The following INPP5J variants were observed in gnomAD, a reference collection of about 807,000 sequenced individuals.
INPP5J encodes phosphatidylinositol 4,5-bisphosphate 5-phosphatase A.
Under a neutral mutation model 86.6 loss-of-function variants are expected in INPP5J, and 75 were observed. The ratio of observed to expected loss-of-function variants is 0.87; its 90% CI spans 0.72 to 1.05. INPP5J has a LOEUF of 1.05. Ranked by LOEUF, INPP5J falls within the 50% of genes least tolerant of loss-of-function variation. The pLI is 0.00. For missense variants in INPP5J, 1,229 were observed against 1,341.2 expected, an observed-to-expected ratio of 0.92 and a Z score of 1.31; for synonymous variants, 540 against 550.0, an observed-to-expected ratio of 0.98 and a Z score of 0.25.
intron 11 of INPP5J, 37 bp downstream of exon 11, chr22:31,133,520 T>C: frequency 5.0e-6 from 8 of 1,605,194 alleles, no homozygotes; most frequent in Non-Finnish European, 6.8e-6. Context: ...GGCAAGTCCT[T>C]GTTGCCTTTG....
chr22:31,126,116 G>C (rs1186935592), intron 2 of INPP5J, 106 bp downstream of exon 2: 1 of 1,170,122 alleles, frequency 8.5e-7, no homozygotes, highest in Non-Finnish European at 1.2e-6. Flanking sequence ...CTCTGAGGAA[G>C]AGTCTTTGGG....
In INPP5J at chr22:31,129,702, C is replaced by T. The variant is rs535084611; in HGVS notation, c.2193+1048C>T. 6.6e-5 allele frequency among the ~76,000 whole-genome samples: 10 copies of T among 151,348 alleles called. No homozygotes were observed. In the South Asian group the frequency reaches 1.5e-3, roughly 22 times the overall value. ...GGGATTACAGCTGCCCGCCACCACGCCTGGCTAATTTTTGTATTTAGTAGA... is the reference window on the plus strand; with the variant it reads ...GGGATTACAGCTGCCCGCCACCACGTCTGGCTAATTTTTGTATTTAGTAGA... On this transcript the variant is annotated intron_variant, in intron 9 of 12. Transcript: ENST00000331075.
At position 31,128,646 on chromosome 22, in the gene INPP5J, C is replaced by A; in HGVS notation, c.2185C>A (p.Leu729Ile). Reference sequence around the variant, plus strand: ...CCACAAGCCTGTGGCTGCCCAGTTCCTCCTGCAGGTGAGTTCTGGCCTCAT... The same window carrying A: ...CCACAAGCCTGTGGCTGCCCAGTTCATCCTGCAGGTGAGTTCTGGCCTCAT... Reference protein sequence around the residue: ...SDHKPVAAQFLLQFAFRDDMP... With the variant: ...SDHKPVAAQFILQFAFRDDMP... The change falls in exon 9 of 13, where the codon CTC (leucine) becomes ATC (isoleucine). Residue 729 changes from leucine to isoleucine, a missense_variant. Leu to Ile is a conservative substitution (Grantham distance 5, BLOSUM62 2). Coordinates refer to ENST00000331075, the MANE Select transcript of INPP5J (RefSeq NM_001284285.2). 6.3e-7 allele frequency: 1 copy of A among 1,583,102 alleles called. No homozygotes were observed. Among genetic ancestry groups the A allele is most frequent in the Non-Finnish European group, 8.6e-7 (1 of 1,164,686 alleles).
intron 4 of INPP5J, 35 bp downstream of exon 4, chr22:31,126,756 C>A: frequency 6.4e-7 from 1 of 1,562,506 alleles, no homozygotes; most frequent in Non-Finnish European, 8.8e-7. Flanking sequence ...CAGCCAGAGA[C>A]CCTGCTGAAT....
intron 7 of INPP5J, 55 bp downstream of exon 7, chr22:31,128,117 C>G: frequency 6.8e-7 from 1 of 1,476,702 alleles, no homozygotes; most frequent in Non-Finnish European, 9.4e-7. Flanking sequence ...ACGCCTGTAC[C>G]TTAGACTATG....
Position 31,133,968 on chromosome 22 carries a change from G to C in INPP5J, c.2570G>C (p.Ser857Thr). ...ASSSTDSSGT[S>T]SEGEDDSTLE... is the part of the protein sequence containing the mutation. ...AGCAGCACAGACAGCTCAGGCACCA[G>C]CTCAGAGGGAGAGGATGACAGCACA... The change falls in exon 13 of 13, where the codon AGC (serine) becomes ACC (threonine). Residue 857 changes from serine (S) to threonine (T), a missense_variant. Ser to Thr is a moderately conservative substitution (Grantham distance 58, BLOSUM62 1). Coordinates refer to ENST00000331075, the MANE Select transcript of INPP5J (RefSeq NM_001284285.2). 6.2e-7 allele frequency: 1 copy of C among 1,613,380 alleles called. No individual in the cohort carries two copies. Among genetic ancestry groups the C allele is most frequent in the East Asian group, 2.2e-5 (1 of 44,882 alleles).
At chr22:31,130,710 G>A (rs1294419695) in intron 9 of INPP5J, among the ~76,000 whole-genome samples, 4 of 152,212 alleles carry the variant, frequency 2.6e-5, no homozygotes, top group African/African-American at 9.6e-5. Context: ...TTATGAGAGT[G>A]TGTAGTGATG....
In INPP5J at chr22:31,126,996, G is replaced by C. The variant is rs750582154; in HGVS notation, c.1570G>C (p.Val524Leu). ...KYYHLPFLRD[V>L]QTDCTRTGLG... is the part of the protein sequence containing the mutation. ...CTACCACCTGCCCTTCCTGCGAGAC[G>C]TGCAGACCGACTGCACGCGCACTGG... The change falls in exon 5 of 13, where the codon GTG becomes CTG. Residue 524 changes from valine to leucine, a missense_variant. Val to Leu is a conservative substitution (Grantham distance 32). Transcript: ENST00000331075. 9.3e-6 allele frequency: 15 copies of C among 1,608,738 alleles called. No individual in the cohort carries two copies. Among genetic ancestry groups the C allele is most frequent in the Non-Finnish European group, 1.2e-5 (14 of 1,177,688 alleles).
At position 31,134,308 on chromosome 22, in the gene INPP5J, C is replaced by T; in HGVS notation, c.2910C>T (p.Asp970=). ...CCGCCTTGCGCCTAGAGACTGTAGACCCTGGTGGTGGTGGCTCCTGGGGAC... is the reference window on the plus strand; with the variant it reads ...CCGCCTTGCGCCTAGAGACTGTAGATCCTGGTGGTGGTGGCTCCTGGGGAC... ...LLPALRLETV[D]PGGGGSWGPD... Residue 970 remains aspartate (D), a synonymous_variant, in exon 13 of 13, where the codon GAC becomes GAT. Coordinates refer to ENST00000331075, the MANE Select transcript of INPP5J (RefSeq NM_001284285.2). The T allele has an allele frequency of 6.4e-7, 1 of 1,554,546 alleles. No individual in the cohort carries two copies. Among genetic ancestry groups the T allele is most frequent in the Non-Finnish European group, 8.7e-7 (1 of 1,150,054 alleles).
At chr22:31,127,234 T>C in intron 5 of INPP5J, 123 bp from the exon 6 acceptor site, 1 of 926,934 alleles carries the variant, frequency 1.1e-6, no homozygotes, top group East Asian at 2.7e-5. Flanking sequence ...TGTCCCAGCG[T>C]TGTTCCTCAT....
chr22:31,134,647 G>A lies in INPP5J; in HGVS notation c.*228G>A. The A allele has an allele frequency of 4.7e-6, 2 of 423,776 alleles. No homozygotes were observed. The highest frequency in any genetic ancestry group is 8.3e-6 in the Non-Finnish European group (2 of 242,422). The allele number at this position is 423,776 out of a possible 1,614,324, so 26.3% of individuals were successfully genotyped here. ...CTGGGATGATGGGAGAGCTCTGGCAGATGTCCCAATCCTGGAGGTCATCCA... is the reference window on the plus strand; with the variant it reads ...CTGGGATGATGGGAGAGCTCTGGCAAATGTCCCAATCCTGGAGGTCATCCA... On this transcript the variant is annotated 3_prime_UTR_variant, in exon 13 of 13. Transcript: ENST00000331075.
chr22:31,122,859 G>C, upstream of INPP5J: 2 of 519,662 alleles, frequency 3.8e-6, no homozygotes, highest in Non-Finnish European at 6.6e-6. Context: ...TTCCCAGGGG[G>C]TAGCCACCTT....
chr22:31,127,346 T>C lies in INPP5J; in HGVS notation c.1612-11T>C, dbSNP rs1025612399. 2 of 1,600,688 alleles carry C rather than the reference T, an allele frequency of 1.2e-6. No homozygotes were observed. Among genetic ancestry groups the C allele is most frequent in the Non-Finnish European group, 1.7e-6 (2 of 1,173,162 alleles). On this transcript the variant is annotated splice_polypyrimidine_tract_variant and intron_variant, in intron 5 of 12. Coordinates refer to ENST00000331075, the MANE Select transcript of INPP5J (RefSeq NM_001284285.2). ...GCCCCGCCCATGAGCCATCCGACCC[T>C]GCCTCCCTAGGGTAACAAGGGTGGC... is the stretch of plus-strand genomic sequence containing the variant.
intron 1 of INPP5J, chr22:31,124,313 C>T (rs182851952): frequency 3.2e-5 from 32 of 987,442 alleles, no homozygotes; most frequent in Middle Eastern, 1.0e-3. Context: ...GTTTAGGGGG[C>T]GGTGGGGAAC....
At chr22:31,130,870 G>T (rs764121426) in intron 9 of INPP5J, among the ~76,000 whole-genome samples, 1 of 152,162 alleles carries the variant, frequency 6.6e-6, no homozygotes, top group African/African-American at 2.4e-5. Flanking sequence ...GACCAATTTG[G>T]CCCACTCCCT....
At chr22:31,126,897 C>T in intron 4 of INPP5J, 24 bp from the exon 5 acceptor site, 1 of 1,569,428 alleles carries the variant, frequency 6.4e-7, no homozygotes, top group Non-Finnish European at 8.7e-7. Flanking sequence ...TTCTGTCCCC[C>T]AGCCACGTGG....
chr22:31,127,592 A>C, intron 6 of INPP5J, 60 bp downstream of exon 6: 1 of 1,522,070 alleles, frequency 6.6e-7, no homozygotes, highest in South Asian at 1.3e-5. Flanking sequence ...GGGTTTTTGT[A>C]CCACCTTGGG....
At chr22:31,122,961 G>A (rs1602722245), upstream of INPP5J, 1 of 1,185,622 alleles carries the variant, frequency 8.4e-7, no homozygotes, top group Non-Finnish European at 1.1e-6. Flanking sequence ...GTTCCCGGGA[G>A]CGGTAGAGCT....
Position 31,133,898 on chromosome 22 carries a change from C to T in INPP5J, c.2515-15C>T. 6.2e-7 allele frequency: 1 copy of T among 1,606,600 alleles called. No homozygotes were observed. The highest frequency in any genetic ancestry group is 8.5e-7 in the Non-Finnish European group (1 of 1,175,104). On this transcript the variant is annotated splice_polypyrimidine_tract_variant and intron_variant, in intron 12 of 12. Coordinates refer to ENST00000331075, the MANE Select transcript of INPP5J (RefSeq NM_001284285.2). ...TTGGGGAGCAGGGCGCCCCAGTGAC[C>T]AGCATTTCCCCCAGATCTCGCTGCC... is the stretch of plus-strand genomic sequence containing the variant.
Sources: gnomAD v4.1 joint callset for allele counts (sites outside exome capture counted in the v4.1 genomes callset) on GRCh38, gnomAD v4.1.1 for gene constraint, MANE v1.5 for transcripts, NCBI Gene and HGNC (gene_info 2026-07-23, HGNC 2026-07-21) for gene names.